Variants in NPAS3 observed in about 807,000 individuals in gnomAD.
The protein encoded by NPAS3 is neuronal PAS domain-containing protein 3.
NPAS3 carries 14 observed loss-of-function variants against 73.1 expected under a neutral mutation model. That is an observed-to-expected ratio of 0.19 (90% CI 0.13 to 0.30). NPAS3 has a LOEUF of 0.30. Among genes scored for constraint, NPAS3 ranks in the 10% least tolerant of loss-of-function variants. The pLI, the probability that NPAS3 is intolerant of heterozygous loss-of-function variation, is 1.00. For missense variants in NPAS3, 1,096 were observed against 1,250.0 expected (o/e 0.88, Z 1.86); for synonymous variants, 620 against 541.5 (o/e 1.14, Z -2.01).
intron 5 of NPAS3, among the ~76,000 whole-genome samples, chr14:33,623,517 C>A (rs544155487): frequency 6.6e-6 from 1 of 152,210 alleles, no homozygotes; most frequent in Non-Finnish European, 1.5e-5. Context: ...TCTGTGTTTG[C>A]GTGTCTACTG....
At chr14:33,672,515 G>A (rs1197015264) in intron 5 of NPAS3, among the ~76,000 whole-genome samples, 3 of 152,124 alleles carry the variant, frequency 2.0e-5, no homozygotes, top group Non-Finnish European at 2.9e-5. Flanking sequence ...AAGATTTAAA[G>A]GTACCTAATT....
chr14:32,938,275 G>T (rs1401010523), upstream of NPAS3, among the ~76,000 whole-genome samples: 4 of 152,056 alleles, frequency 2.6e-5, no homozygotes, highest in African/African-American at 7.2e-5. Context: ...ATTGATTTCC[G>T]CTGCCCCCAA....
intron 3 of NPAS3, among the ~76,000 whole-genome samples, chr14:33,308,063 C>T (rs2042831021): frequency 6.6e-6 from 1 of 152,146 alleles, no homozygotes; most frequent in African/African-American, 2.4e-5. Context: ...GATTGGACTG[C>T]TGCCAGTTCC....
At chr14:33,420,424 T>C (rs1355837763) in intron 4 of NPAS3, among the ~76,000 whole-genome samples, 3 of 151,938 alleles carry the variant, frequency 2.0e-5, no homozygotes, top group South Asian at 2.1e-4. Context: ...AGAATCATAA[T>C]GTCTCCAGAC....
At chr14:33,012,164 C>T (rs1291708053) in intron 1 of NPAS3, among the ~76,000 whole-genome samples, 2 of 152,108 alleles carry the variant, frequency 1.3e-5, no homozygotes, top group Non-Finnish European at 2.9e-5. Flanking sequence ...CAGCCTTGCC[C>T]TATCCCTTAT....
chr14:33,323,335 T>G (rs942453383), intron 3 of NPAS3, among the ~76,000 whole-genome samples: 4 of 152,234 alleles, frequency 2.6e-5, no homozygotes, highest in Non-Finnish European at 5.9e-5. Context: ...CTCTTTCCTC[T>G]TTGTTGGATG....
At chr14:33,683,108 A>G (rs1349035945) in intron 6 of NPAS3, among the ~76,000 whole-genome samples, 5 of 152,186 alleles carry the variant, frequency 3.3e-5, no homozygotes, top group Admixed American at 1.3e-4. Flanking sequence ...CAGAAAAAAA[A>G]TACAGCTTTT....
chr14:33,083,751 T>A (rs1034707114), intron 2 of NPAS3, among the ~76,000 whole-genome samples: 1 of 152,186 alleles, frequency 6.6e-6, no homozygotes, highest in Non-Finnish European at 1.5e-5. Flanking sequence ...GCATTTCTGA[T>A]AACAGAATCC....
At chr14:33,447,796 T>C (rs1031268834) in intron 4 of NPAS3, among the ~76,000 whole-genome samples, 1 of 152,132 alleles carries the variant, frequency 6.6e-6, no homozygotes, top group Non-Finnish European at 1.5e-5. Context: ...ACACCTATAG[T>C]ATGAGCTACT....
intron 4 of NPAS3, among the ~76,000 whole-genome samples, chr14:33,449,664 A>G (rs1174805606): frequency 6.6e-6 from 1 of 152,200 alleles, no homozygotes; most frequent in East Asian, 1.9e-4. Context: ...GAAGAAACTG[A>G]GAATTTAAAT....
intron 5 of NPAS3, among the ~76,000 whole-genome samples, chr14:33,591,489 C>G (rs2057065127): frequency 6.6e-6 from 1 of 152,202 alleles, no homozygotes; most frequent in Admixed American, 6.5e-5. Flanking sequence ...TCTGCATCCC[C>G]ACTACTAAAG....
At chr14:33,742,202 C>A (rs893178065) in intron 7 of NPAS3, among the ~76,000 whole-genome samples, 10 of 152,260 alleles carry the variant, frequency 6.6e-5, no homozygotes, top group African/African-American at 1.7e-4. Flanking sequence ...CTTTAACATG[C>A]TGAGATGCCC....
chr14:32,962,746 A>G (rs374247505), intron 1 of NPAS3, among the ~76,000 whole-genome samples: 1 of 150,924 alleles, frequency 6.6e-6, no homozygotes. Flanking sequence ...TATTTTTAGT[A>G]GAGACGGGGT....
At chr14:33,372,276 G>T (rs902991173) in intron 4 of NPAS3, among the ~76,000 whole-genome samples, 10 of 152,088 alleles carry the variant, frequency 6.6e-5, no homozygotes, top group African/African-American at 2.4e-4. Context: ...TTGAGAGTAA[G>T]GGGTAAGATA....
At chr14:33,710,285 T>A (rs909396808) in intron 6 of NPAS3, among the ~76,000 whole-genome samples, 6 of 152,142 alleles carry the variant, frequency 3.9e-5, no homozygotes, top group Non-Finnish European at 7.4e-5. Context: ...AGATCTAGAA[T>A]AGAGCCAAAG....
intron 5 of NPAS3, among the ~76,000 whole-genome samples, chr14:33,584,180 T>C (rs955646571): frequency 1.3e-5 from 2 of 152,218 alleles, no homozygotes; most frequent in Non-Finnish European, 2.9e-5. Flanking sequence ...CTAGATGTTA[T>C]TTAATACATA....
intron 5 of NPAS3, 107 bp downstream of exon 5, chr14:33,560,317 ATTAT>A (rs2055579512): frequency 1.7e-6 from 1 of 600,914 alleles, no homozygotes; most frequent in Non-Finnish European, 3.0e-6. Flanking sequence ...TATCAAATGT[ATTAT>A]TTAATGGCTT....
intron 6 of NPAS3, among the ~76,000 whole-genome samples, chr14:33,695,825 C>T (rs185950013): frequency 0.016 from 2,383 of 152,192 alleles, 58 homozygotes; most frequent in Non-Finnish European, 0.015. Flanking sequence ...TTCAAAATGA[C>T]CTAAAACTTT....
chr14:33,702,813 A>C (rs2060557442), intron 6 of NPAS3, among the ~76,000 whole-genome samples: 1 of 151,898 alleles, frequency 6.6e-6, no homozygotes, highest in Admixed American at 6.6e-5. Flanking sequence ...TGTTACAACC[A>C]CTCTTGTCAG....
Sources: gnomAD v4.1 joint callset for allele counts (sites outside exome capture counted in the v4.1 genomes callset) on GRCh38, gnomAD v4.1.1 for gene constraint, MANE v1.5 for transcripts, NCBI Gene and HGNC (gene_info 2026-07-23, HGNC 2026-07-21) for gene names.